Variants in LHCGR observed in about 807,000 individuals in gnomAD.
LHCGR encodes the protein lutropin-choriogonadotropic hormone receptor.
Under a neutral mutation model 60.7 loss-of-function variants are expected in LHCGR, and 55 were observed. That is an observed-to-expected ratio of 0.91 (90% CI 0.73 to 1.13). The LOEUF is 1.13. Among genes scored for constraint, LHCGR ranks in the 50% most tolerant of loss-of-function variants. The pLI, the probability that LHCGR is intolerant of heterozygous loss-of-function variation, is 0.00. For synonymous variants in LHCGR, 337 were observed against 316.5 expected, an observed-to-expected ratio of 1.06 and a Z score of -0.69; for missense variants, 862 against 836.0, an observed-to-expected ratio of 1.03 and a Z score of -0.38.
In LHCGR at chr2:48,729,198, C is replaced by G; in HGVS notation, c.263G>C (p.Arg88Thr). The change falls in exon 3 of 11, where the codon AGG (arginine) becomes ACG (threonine). Residue 88 changes from arginine (R) to threonine (T), a missense_variant. By Grantham distance (71) the Arg-to-Thr change is moderately conservative. Coordinates refer to ENST00000294954, the MANE Select transcript of LHCGR (RefSeq NM_000233.4). ...GTTGTCAAAGGCATTAGCTTCTATC[C>G]TTTCCAGGGAATCAATCTGAGAGAT... ...IEISQIDSLE[R>T]IEANAFDNLL... 1 of 1,611,660 alleles carries G rather than the reference C, an allele frequency of 6.2e-7. No homozygotes were observed.
In LHCGR at chr2:48,723,630, A is replaced by G. The variant is rs933690035; in HGVS notation, c.450T>C (p.Asn150=). 2 of 1,613,368 alleles carry G rather than the reference A, an allele frequency of 1.2e-6. No homozygotes were observed. The highest frequency in any genetic ancestry group is 1.3e-5 in the African/African-American group (1 of 74,908). The part of the protein sequence containing the change: ...DVTKVFSSES[N]FILEICDNLH... ...ATCAGCCTGGTACTTACAGAATGAA[A>G]TTTGATTCAGAGGAGAAGACCTTCG... Residue 150 remains asparagine (N), a synonymous_variant, in exon 5 of 11, where the codon AAT becomes AAC. Coordinates refer to ENST00000294954, the MANE Select transcript of LHCGR (RefSeq NM_000233.4).
intron 8 of LHCGR, among the ~76,000 whole-genome samples, chr2:48,701,246 C>G (rs1264682391): frequency 6.6e-6 from 1 of 152,116 alleles, no homozygotes; most frequent in Non-Finnish European, 1.5e-5. Context: ...ATAACAAGGA[C>G]AGCTCATTTC....
intron 6 of LHCGR, among the ~76,000 whole-genome samples, chr2:48,717,542 C>CTTATTATTATTATTATTA (rs34793365): frequency 0.017 from 2,524 of 151,058 alleles, 27 homozygotes; most frequent in Middle Eastern, 0.051. Context: ...ATGTGTTGAT[C>CTTATTATTATTATTATTA]TTATTATTAT....
At chr2:48,739,160 C>G (rs2103672155) in intron 1 of LHCGR, among the ~76,000 whole-genome samples, 1 of 152,300 alleles carries the variant, frequency 6.6e-6, no homozygotes, top group Non-Finnish European at 1.5e-5. Flanking sequence ...AGTCAGGAAA[C>G]AACAGATGCT....
chr2:48,738,642 C>T (rs981581438), intron 1 of LHCGR, among the ~76,000 whole-genome samples: 3 of 152,102 alleles, frequency 2.0e-5, no homozygotes, highest in Admixed American at 1.3e-4. Context: ...AGACTTGCAC[C>T]GTCTCATATG....
rs1253788551 is a variant in LHCGR at position 48,688,813 on chromosome 2, G to C, written c.984C>G (p.Gly328=). Residue 328 remains glycine (G), a synonymous_variant, in exon 11 of 11, where the codon GGC becomes GGG. Transcript: ENST00000294954. This position sits in a 1 kb window ranked among gnomAD's most constrained non-coding sequence, Gnocchi z 5.2. ...SSMLAESELS[G]WDYEYGFCLP... ...AGCAGAAACCATATTCATAGTCCCA[G>C]CCACTCAGTTCACTCTCAGCAAGCA... The C allele has an allele frequency of 6.2e-7, 1 of 1,614,078 alleles. No individual in the cohort carries two copies. Among genetic ancestry groups the C allele is most frequent in the African/African-American group, 1.3e-5 (1 of 75,002 alleles).
intron 9 of LHCGR, among the ~76,000 whole-genome samples, chr2:48,696,672 G>T (rs372968504): frequency 2.0e-5 from 3 of 152,156 alleles, no homozygotes; most frequent in Admixed American, 2.0e-4. Context: ...GGCTGTGAGG[G>T]CCTCAACTTT....
At chr2:48,740,192 C>T (rs185961607) in intron 1 of LHCGR, among the ~76,000 whole-genome samples, 28 of 152,344 alleles carry the variant, frequency 1.8e-4, no homozygotes, top group African/African-American at 5.8e-4. Context: ...GAGGGTCTTA[C>T]GCCCATGGAG....
intron 1 of LHCGR, among the ~76,000 whole-genome samples, chr2:48,748,854 T>G (rs566428951): frequency 1.3e-5 from 2 of 152,266 alleles, no homozygotes; most frequent in Admixed American, 1.3e-4. Context: ...ATACCTACAG[T>G]GCAAATTAGA....
intron 6 of LHCGR, among the ~76,000 whole-genome samples, chr2:48,714,514 T>C (rs933006480): frequency 6.6e-6 from 1 of 150,946 alleles, no homozygotes; most frequent in Non-Finnish European, 1.5e-5. Flanking sequence ...GATGAGTATG[T>C]GGTTTTGCTG....
chr2:48,698,806 C>T lies in LHCGR; in HGVS notation c.681-6G>A, dbSNP rs575168674. The T allele has an allele frequency of 5.6e-5, 90 of 1,608,942 alleles. No homozygotes were observed. The highest frequency in any genetic ancestry group is 1.3e-4 in the African/African-American group (10 of 74,822). On this transcript the variant is annotated splice_polypyrimidine_tract_variant and splice_region_variant and intron_variant, in intron 8 of 10. Coordinates refer to ENST00000294954, the MANE Select transcript of LHCGR (RefSeq NM_000233.4). ...ATTTGGTGGAAGAAATATCCCTGAA[C>T]AATAAAGGGGAGAAATGCTTTTTAT...
At chr2:48,694,083 T>A (rs557513714) in intron 10 of LHCGR, 141 bp downstream of exon 10, 21 of 652,730 alleles carry the variant, frequency 3.2e-5, no homozygotes, top group South Asian at 2.6e-4. Context: ...AAGAAAAAAT[T>A]CCCATTTTAA....
Position 48,687,938 on chromosome 2 carries a change from G to A in LHCGR, c.1859C>T (p.Pro620Leu). 6.2e-7 allele frequency: 1 copy of A among 1,614,012 alleles called. No individual in the cohort carries two copies. The highest frequency in any genetic ancestry group is 8.5e-7 in the Non-Finnish European group (1 of 1,179,940). ...LFYPINSCANPFLYAIFTKTF... is the reference protein window; with the variant it reads ...LFYPINSCANLFLYAIFTKTF... ...CTTAGTGAATATTGCATACAGAAATGGATTGGCACAAGAATTGATGGGATA... is the reference window on the plus strand; with the variant it reads ...CTTAGTGAATATTGCATACAGAAATAGATTGGCACAAGAATTGATGGGATA... The change falls in exon 11 of 11, where the codon CCA becomes CTA. Residue 620 changes from proline (P) to leucine (L), a missense_variant. Physicochemically the swap from Pro to Leu is moderately conservative, Grantham distance 98. Coordinates refer to ENST00000294954, the MANE Select transcript of LHCGR (RefSeq NM_000233.4).
intron 8 of LHCGR, among the ~76,000 whole-genome samples, chr2:48,707,321 G>A (rs891194116): frequency 6.6e-6 from 1 of 152,230 alleles, no homozygotes; most frequent in Non-Finnish European, 1.5e-5. Context: ...CCTGTGTGAG[G>A]TGGTTGTCAG....
chr2:48,715,722 C>G (rs904869203), intron 6 of LHCGR, among the ~76,000 whole-genome samples: 6 of 152,070 alleles, frequency 3.9e-5, no homozygotes, highest in African/African-American at 1.2e-4. Flanking sequence ...TTCCACCAAC[C>G]CACAACACAG....
intron 8 of LHCGR, among the ~76,000 whole-genome samples, chr2:48,704,311 T>C (rs1287481815): frequency 1.3e-5 from 2 of 152,238 alleles, no homozygotes; most frequent in African/African-American, 4.8e-5. Context: ...TGGAGGATTT[T>C]CGCATCGATG....
At position 48,694,226 on chromosome 2, in the gene LHCGR, T is replaced by C; in HGVS notation, c.945A>G (p.Thr315=). 1 of 1,534,782 alleles carries C rather than the reference T, an allele frequency of 6.5e-7. No homozygotes were observed. The highest frequency in any genetic ancestry group is 9.0e-7 in the Non-Finnish European group (1 of 1,111,594). Residue 315 remains threonine (T), a splice_region_variant and synonymous_variant, in exon 10 of 11, where the codon ACA becomes ACG. Transcript: ENST00000294954. ...TTTCCTTGCATGCAAATACTTACAG[T>C]GTTTTGTTATTCACTTTCCTTACTG... ...ESTVRKVNNK[T]LYSSMLAESE...
At chr2:48,723,825 T>C (rs1177829548) in intron 4 of LHCGR, 129 bp from the exon 5 acceptor site, 1 of 737,354 alleles carries the variant, frequency 1.4e-6, no homozygotes, top group Non-Finnish European at 2.4e-6. Context: ...TTTAAAAATA[T>C]TGAGTTTGGT....
chr2:48,741,513 C>G (rs1039985755), intron 1 of LHCGR, among the ~76,000 whole-genome samples: 1 of 151,944 alleles, frequency 6.6e-6, no homozygotes, highest in African/African-American at 2.4e-5. Context: ...CTCTACAAGC[C>G]AGAAGAGAGT....
Sources: allele counts gnomAD v4.1 joint callset (sites outside exome capture counted in the v4.1 genomes callset), GRCh38; gene constraint gnomAD v4.1.1; non-coding constraint Gnocchi (gnomAD v3.1); transcripts MANE v1.5; gene names NCBI Gene and HGNC (gene_info 2026-07-23, HGNC 2026-07-21).